FADS2: variants seen among roughly 807,000 people sequenced by gnomAD.
FADS2 encodes fatty acid desaturase 2.
Under a neutral mutation model 61.2 loss-of-function variants are expected in FADS2, and 18 were observed. That is an observed-to-expected ratio of 0.29 (90% CI 0.20 to 0.44). FADS2 has a LOEUF of 0.44. FADS2 is among the 20% of genes least tolerant of loss of function. FADS2 has a pLI of 1.00. For synonymous variants in FADS2, 203 were observed against 223.9 expected (o/e 0.91, Z 0.83); for missense variants, 322 against 572.7 (o/e 0.56, Z 4.47).
At chr11:61,841,341 C>T (rs1305828460) in intron 4 of FADS2, among the ~76,000 whole-genome samples, 1 of 152,046 alleles carries the variant, frequency 6.6e-6, no homozygotes, top group Non-Finnish European at 1.5e-5. Context: ...TGAGCCACCG[C>T]ATCCGGCCTG....
chr11:61,821,394 A>G (rs1355823951), intron 1 of FADS2: 4 of 701,664 alleles, frequency 5.7e-6, no homozygotes, highest in African/African-American at 1.8e-5. Flanking sequence ...AGAAAAAAAA[A>G]GACCTTAATG....
At chr11:61,828,061 G>A, upstream of FADS2, 2 of 1,202,970 alleles carry the variant, frequency 1.7e-6, no homozygotes, top group South Asian at 2.2e-5. This position sits in a 1 kb window ranked among gnomAD's most constrained non-coding sequence, Gnocchi z 6.4. Flanking sequence ...AGCCGGAGGG[G>A]CGGGCAGAGG....
At position 61,840,343 on chromosome 11, in the gene FADS2, A is replaced by G; in HGVS notation, c.328A>G (p.Thr110Ala). Residue 110 changes from threonine to alanine, a missense_variant, in exon 3 of 12, where the codon ACT becomes GCT. By Grantham distance (58) the Thr-to-Ala change is moderately conservative (BLOSUM62 0). Transcript: ENST00000278840. ...TGCTCTTGGTCAACAGTCAAAGATC[A>G]CTGAGGACTTCCGGGCCCTGAGGAA... ...SQDHGKNSKI[T>A]EDFRALRKTA... 4 of 1,614,086 alleles carry G rather than the reference A, an allele frequency of 2.5e-6. No individual in the cohort carries two copies. The highest frequency in any genetic ancestry group is 3.4e-6 in the Non-Finnish European group (4 of 1,179,994).
Position 61,834,989 on chromosome 11 carries a change from A to T in FADS2, c.208-2789A>T, listed in dbSNP as rs199649489. ...GGGCCTCCTCCCTGCCTGCCCCCCC[A>T]CCCCAGCCCTCCTCCCTGCCTGCCC... On this transcript the variant is annotated intron_variant, in intron 1 of 11. Transcript: ENST00000278840. Among the ~76,000 whole-genome samples the T allele has an allele frequency of 2.7e-4, 7 of 26,176 alleles. No individual in the cohort carries two copies. The East Asian group carries it at 7.5e-3, about 28-fold the overall frequency. The allele number at this position is 26,176 out of a possible 152,430, so 17.2% of individuals were successfully genotyped here. A position where few individuals can be genotyped will look rare whatever the true frequency, so the allele number is the denominator to read the frequency against.
upstream of FADS2, among the ~76,000 whole-genome samples, chr11:61,827,600 T>C (rs948676087): frequency 1.3e-5 from 2 of 152,198 alleles, no homozygotes; most frequent in African/African-American, 4.8e-5. The surrounding 1 kb of genome is among the most constrained non-coding windows in gnomAD (Gnocchi z 4.5). Context: ...GGGCGTCACC[T>C]AGCCAAGCCG....
intron 9 of FADS2, 121 bp downstream of exon 9, chr11:61,863,499 G>T: frequency 1.2e-6 from 1 of 845,764 alleles, no homozygotes; most frequent in Non-Finnish European, 1.9e-6. Context: ...GTGTCCTTTT[G>T]CTGGGAGCTT....
intron 2 of FADS2, among the ~76,000 whole-genome samples, chr11:61,838,950 C>A (rs1029115158): frequency 4.6e-5 from 7 of 152,150 alleles, no homozygotes; most frequent in African/African-American, 1.7e-4. Flanking sequence ...GCAGATCCTG[C>A]ACCATTTAGC....
Position 61,857,512 on chromosome 11 carries a change from C to T in FADS2, c.864C>T (p.Ile288=), listed in dbSNP as rs771811186. The T allele has an allele frequency of 2.7e-5, 44 of 1,613,818 alleles. No individual in the cohort carries two copies. The East Asian group carries it at 4.2e-4, about 16-fold the overall frequency. ...YFQYQIIMTM[I]VHKNWVDLAW... ...AGTACCAGATCATCATGACCATGAT[C>T]GTCCATAAGAACTGGGTGGTGAGTT... Residue 288 remains isoleucine, a synonymous_variant, in exon 7 of 12, where the codon ATC becomes ATT. Coordinates refer to ENST00000278840, the MANE Select transcript of FADS2 (RefSeq NM_004265.4).
chr11:61,844,796 A>G lies in FADS2; in HGVS notation c.619-3363A>G, dbSNP rs1470058202. Among the ~76,000 whole-genome samples, 8 of 149,706 alleles carry G rather than the reference A, an allele frequency of 5.3e-5. No homozygotes were observed. The East Asian group carries it at 1.6e-3, about 30-fold the overall frequency. ...AAAAATTAGCCGGGCGTGGTGGCAC[A>G]CGCCTGCAGTCCCAGCTGCTCGGGA... On this transcript the variant is annotated intron_variant, in intron 4 of 11. Coordinates refer to ENST00000278840, the MANE Select transcript of FADS2 (RefSeq NM_004265.4).
chr11:61,823,039 G>A (rs570523125), intron 1 of FADS2, among the ~76,000 whole-genome samples: 2 of 152,054 alleles, frequency 1.3e-5, no homozygotes, highest in Non-Finnish European at 2.9e-5. Flanking sequence ...GGTATTCCTC[G>A]AGCACTTAGT....
upstream of FADS2, chr11:61,827,338 A>G (rs1591163447): frequency 6.6e-6 from 1 of 152,386 alleles, no homozygotes; most frequent in Non-Finnish European, 1.5e-5. The surrounding 1 kb of genome is among the most constrained non-coding windows in gnomAD (Gnocchi z 4.5). Context: ...CAGGGCAAGG[A>G]CCGCGCCAGT....
At chr11:61,854,922 G>A (rs2067342637) in intron 5 of FADS2, 1 of 152,398 alleles carries the variant, frequency 6.6e-6, no homozygotes, top group Non-Finnish European at 1.5e-5. Flanking sequence ...CTGGCAAGCA[G>A]GACCCCCTGG....
At chr11:61,838,514 G>A (rs1366537596) in intron 2 of FADS2, among the ~76,000 whole-genome samples, 1 of 151,998 alleles carries the variant, frequency 6.6e-6, no homozygotes, top group Non-Finnish European at 1.5e-5. Context: ...TGACCAGGGT[G>A]GTCATGGAAG....
intron 1 of FADS2, among the ~76,000 whole-genome samples, chr11:61,829,631 G>A (rs925215938): frequency 6.6e-6 from 1 of 152,214 alleles, no homozygotes; most frequent in Non-Finnish European, 1.5e-5. Context: ...GGAAGAAAGG[G>A]CGGCTTTTGG....
chr11:61,832,695 C>G (rs12577069), intron 1 of FADS2, among the ~76,000 whole-genome samples: 2,599 of 152,290 alleles, frequency 0.017, 181 homozygotes, highest in Admixed American at 0.11. Context: ...CTGCCTCTCT[C>G]TGCTGCAGAA....
At chr11:61,858,578 T>A (rs2067385224) in intron 7 of FADS2, among the ~76,000 whole-genome samples, 1 of 151,890 alleles carries the variant, frequency 6.6e-6, no homozygotes, top group Admixed American at 6.6e-5. Flanking sequence ...TTAGGGCCCA[T>A]TGTAATTACG....
chr11:61,861,345 C>G (rs1361000148), intron 7 of FADS2, among the ~76,000 whole-genome samples: 2 of 25,094 alleles, frequency 8.0e-5, no homozygotes, highest in Non-Finnish European at 2.3e-4. Flanking sequence ...CAGAGCGAGA[C>G]TCCCTCTCAA....
intron 8 of FADS2, 54 bp from the exon 9 acceptor site, chr11:61,863,228 C>T: frequency 1.3e-6 from 2 of 1,493,586 alleles, no homozygotes; most frequent in Non-Finnish European, 1.9e-6. Context: ...TGGATCTGTT[C>T]CCACTGTGGC....
chr11:61,826,401 C>CTCCCT (rs1281951886), upstream of FADS2: 2 of 702,252 alleles, frequency 2.8e-6, no homozygotes, highest in African/African-American at 3.5e-5. Context: ...GGGCCTGAAC[C>CTCCCT]TTCAAAGCCT....
Sources: gnomAD v4.1 joint callset for allele counts (sites outside exome capture counted in the v4.1 genomes callset) on GRCh38, gnomAD v4.1.1 for gene constraint, Gnocchi (gnomAD v3.1) non-coding constraint, MANE v1.5 for transcripts, NCBI Gene and HGNC (gene_info 2026-07-23, HGNC 2026-07-21) for gene names.